DSE: variants seen among roughly 807,000 people sequenced by gnomAD.
The protein encoded by DSE is dermatan sulfate epimerase.
In DSE, 36 loss-of-function variants were observed where a neutral mutation model predicts 84.4. The observed-to-expected ratio is 0.43, with a 90% confidence interval of 0.33 to 0.56. The LOEUF is 0.56. Ranked by LOEUF, DSE falls within the 20% of genes least tolerant of loss-of-function variation. The pLI, the probability that DSE is intolerant of heterozygous loss-of-function variation, is 0.06. For missense variants in DSE, 862 were observed against 1,169.6 expected (o/e 0.74, Z 3.84); for synonymous variants, 410 against 430.1 (o/e 0.95, Z 0.58).
intron 1 of DSE, among the ~76,000 whole-genome samples, chr6:116,381,858 T>C (rs1010635613): frequency 5.3e-5 from 8 of 152,136 alleles, no homozygotes; most frequent in Non-Finnish European, 1.2e-4. Flanking sequence ...TGTCTTACAG[T>C]GGTGGAGGCT....
At chr6:116,345,329 C>T (rs145245378) in intron 2 of DSE, among the ~76,000 whole-genome samples, 2,298 of 152,280 alleles carry the variant, frequency 0.015, 29 homozygotes, top group Middle Eastern at 0.048. Context: ...TTCTCAGCAC[C>T]GTATTGCACT....
intron 2 of DSE, among the ~76,000 whole-genome samples, chr6:116,298,028 GC>G (rs1189465420): frequency 1.3e-5 from 2 of 152,140 alleles, no homozygotes; most frequent in African/African-American, 4.8e-5. Flanking sequence ...CAGAGTTTAG[GC>G]CCTGGGGTAA....
At position 116,387,740 on chromosome 6, in the gene DSE, G is replaced by C. The variant is rs181924561; in HGVS notation, c.-53-11458G>C. Reference sequence around the variant, plus strand: ...ACAAAATTACCCATAAAATAATTTTGGGGATTAAATATGATAATGAAATAC... The same window carrying C: ...ACAAAATTACCCATAAAATAATTTTCGGGATTAAATATGATAATGAAATAC... On this transcript the variant is annotated intron_variant, in intron 1 of 5. Transcript: ENST00000644252. 2.0e-4 allele frequency among the ~76,000 whole-genome samples: 30 copies of C among 152,204 alleles called. No individual in the cohort carries two copies. The East Asian group carries it at 4.6e-3, about 23-fold the overall frequency.
rs1772303380 is a variant in DSE, at chr6:116,259,380, G to A, written c.-54+413G>A. The A allele has an allele frequency of 1.1e-5, 3 of 265,472 alleles. No individual in the cohort carries two copies. In the East Asian group the frequency reaches 2.2e-4, roughly 20 times the overall value. The allele number at this position is 265,472 out of a possible 1,614,324, so 16.4% of individuals were successfully genotyped here. On this transcript the variant is annotated intron_variant, in intron 2 of 3. Coordinates refer to the DSE transcript ENST00000430252. ...TAGGTGTATGGTACTAGAGACATAA[G>A]CAGCAATGCTCTTCTGAGATAGATT...
Position 116,439,254 on chromosome 6 carries a change from C to G in DSE, c.*1909C>G, listed in dbSNP as rs1335121532. Reference sequence around the variant, plus strand: ...TCAGATCCAAACTGAGACATACTTTCTAACAGAGATGAAAAGTGCAAGTGA... The same window carrying G: ...TCAGATCCAAACTGAGACATACTTTGTAACAGAGATGAAAAGTGCAAGTGA... On this transcript the variant is annotated 3_prime_UTR_variant, in exon 6 of 6. Coordinates refer to ENST00000644252, the MANE Select transcript of DSE (RefSeq NM_013352.4). The G allele has an allele frequency of 2.0e-5, 3 of 152,162 alleles. No homozygotes were observed. The highest frequency in any genetic ancestry group is 4.8e-5 in the African/African-American group (2 of 41,452). 9.4% of individuals were successfully genotyped at this position (152,162 alleles called of 1,614,324 possible). A position where few individuals can be genotyped will look rare whatever the true frequency, so the allele number is the denominator to read the frequency against.
chr6:116,372,399 C>T (rs1779653849), intron 1 of DSE, among the ~76,000 whole-genome samples: 1 of 152,144 alleles, frequency 6.6e-6, no homozygotes, highest in Non-Finnish European at 1.5e-5. Flanking sequence ...ACCCAGGAGG[C>T]GGAGCTTGCA....
At chr6:116,273,361 A>G (rs1342887847) in intron 2 of DSE, among the ~76,000 whole-genome samples, 1 of 152,222 alleles carries the variant, frequency 6.6e-6, no homozygotes, top group Non-Finnish European at 1.5e-5. Flanking sequence ...GTGGCTTGAT[A>G]GAAACTCTTC....
At chr6:116,335,344 G>A (rs552858921) in intron 2 of DSE, among the ~76,000 whole-genome samples, 1 of 152,210 alleles carries the variant, frequency 6.6e-6, no homozygotes, top group Admixed American at 6.5e-5. Flanking sequence ...TAGACACAAA[G>A]AGGGGAACAA....
chr6:116,438,190 A>C lies in DSE; in HGVS notation c.*845A>C, dbSNP rs143319016. ...TTGATTTTCATACCAAAGAAGATGG[A>C]GAGTCTAAAATTTGGATATGATTCT... is the stretch of plus-strand genomic sequence containing the variant. On this transcript the variant is annotated 3_prime_UTR_variant, in exon 6 of 6. Transcript: ENST00000644252. 1.3e-3 allele frequency: 203 copies of C among 152,658 alleles called. No homozygotes were observed. The highest frequency in any genetic ancestry group is 4.8e-3 in the African/African-American group (198 of 41,568). 9.5% of individuals were successfully genotyped at this position (152,658 alleles called of 1,614,324 possible).
chr6:116,408,265 C>A (rs1023203204), intron 2 of DSE, among the ~76,000 whole-genome samples: 11 of 152,182 alleles, frequency 7.2e-5, no homozygotes, highest in Non-Finnish European at 1.5e-4. Flanking sequence ...CAGTGTGATT[C>A]ATATGTTCCA....
intron 2 of DSE, among the ~76,000 whole-genome samples, chr6:116,425,207 A>T (rs1048775656): frequency 5.3e-5 from 8 of 152,228 alleles, no homozygotes; most frequent in Non-Finnish European, 1.2e-4. Flanking sequence ...GTGTATTGAT[A>T]ATTATATTTC....
chr6:116,294,775 A>G (rs1774551028), intron 2 of DSE, among the ~76,000 whole-genome samples: 2 of 152,210 alleles, frequency 1.3e-5, no homozygotes, highest in Admixed American at 6.5e-5. Context: ...CAGAAAGAAC[A>G]TAAGGAAAAA....
intron 2 of DSE, among the ~76,000 whole-genome samples, chr6:116,315,900 G>T (rs1217900584): frequency 6.6e-6 from 1 of 152,042 alleles, no homozygotes; most frequent in Non-Finnish European, 1.5e-5. Context: ...TGAGGCAGTA[G>T]AATTGCTTGT....
At chr6:116,347,002 A>G (rs189523678) in intron 2 of DSE, among the ~76,000 whole-genome samples, 5 of 152,352 alleles carry the variant, frequency 3.3e-5, no homozygotes, top group Admixed American at 2.6e-4. Flanking sequence ...CAAAATCATG[A>G]GTGAACTCCC....
At chr6:116,328,014 T>G (rs1414425601) in intron 2 of DSE, among the ~76,000 whole-genome samples, 3 of 152,152 alleles carry the variant, frequency 2.0e-5, no homozygotes, top group Non-Finnish European at 4.4e-5. Context: ...CTTTTCTGCT[T>G]CCCTGCAGAG....
intron 2 of DSE, among the ~76,000 whole-genome samples, chr6:116,417,747 G>A (rs1782807673): frequency 6.6e-6 from 1 of 152,036 alleles, no homozygotes; most frequent in South Asian, 2.1e-4. Flanking sequence ...CTGTCATACC[G>A]TTCATCCTTC....
At chr6:116,342,727 A>G (rs1777687040) in intron 2 of DSE, among the ~76,000 whole-genome samples, 1 of 152,224 alleles carries the variant, frequency 6.6e-6, no homozygotes, top group South Asian at 2.1e-4. Flanking sequence ...GCTCCAGTCT[A>G]CAGCTCCCAG....
intron 2 of DSE, among the ~76,000 whole-genome samples, chr6:116,293,786 T>A (rs1421023762): frequency 6.6e-6 from 1 of 151,730 alleles, no homozygotes; most frequent in Non-Finnish European, 1.5e-5. Flanking sequence ...GAGGCTGAAC[T>A]GGGAGGATCA....
chr6:116,414,893 A>G (rs574095635), intron 2 of DSE, among the ~76,000 whole-genome samples: 101 of 152,162 alleles, frequency 6.6e-4, no homozygotes, highest in Admixed American at 2.2e-3. Flanking sequence ...ACTCTTGTGT[A>G]AGTTTTCTAT....
Sources: allele counts gnomAD v4.1 joint callset (sites outside exome capture counted in the v4.1 genomes callset), GRCh38; gene constraint gnomAD v4.1.1; transcripts MANE v1.5; gene names NCBI Gene and HGNC (gene_info 2026-07-23, HGNC 2026-07-21).